DPH6: variants seen among roughly 807,000 people sequenced by gnomAD.
DPH6 encodes diphthine--ammonia ligase.
Under a neutral mutation model 38.2 loss-of-function variants are expected in DPH6, and 33 were observed. The ratio of observed to expected loss-of-function variants is 0.86; its 90% CI spans 0.65 to 1.15. DPH6 has a LOEUF of 1.15. Ranked by LOEUF, DPH6 falls within the 50% of genes most tolerant of loss-of-function variation. The pLI is 0.00. For synonymous variants in DPH6, 108 were observed against 103.0 expected, an observed-to-expected ratio of 1.05 and a Z score of -0.30; for missense variants, 325 against 320.0, an observed-to-expected ratio of 1.02 and a Z score of -0.12.
intron 3 of DPH6, chr15:35,520,275 T>C (rs1247459006): frequency 1.1e-6 from 1 of 881,832 alleles, no homozygotes; most frequent in African/African-American, 1.8e-5. Context: ...AATCCTCGCC[T>C]ATTTTAAGCA....
At position 35,450,700 on chromosome 15, in the gene DPH6, T is replaced by C; in HGVS notation, c.490A>G (p.Lys164Glu). Reference protein sequence around the residue: ...ISSNIQAMIIKVAALGLDPDK... With the variant: ...ISSNIQAMIIEVAALGLDPDK... Reference sequence around the variant, plus strand: ...GGCTGCATACCCAAAGCTGCTACTTTGATGATCATTGCTTGAATGTTAGAT... The same window carrying C: ...GGCTGCATACCCAAAGCTGCTACTTCGATGATCATTGCTTGAATGTTAGAT... The change falls in exon 5 of 9, where the codon AAA (lysine) becomes GAA (glutamate). Residue 164 changes from lysine to glutamate, a missense_variant. Coordinates refer to ENST00000256538, the MANE Select transcript of DPH6 (RefSeq NM_080650.4). The C allele has an allele frequency of 6.2e-7, 1 of 1,613,042 alleles. No homozygotes were observed. The highest frequency in any genetic ancestry group is 8.5e-7 in the Non-Finnish European group (1 of 1,179,552).
At chr15:35,197,528 C>T in the DPH6 span, among the ~76,000 whole-genome samples, 1 of 152,124 alleles carries the variant, frequency 6.6e-6, no homozygotes, top group African/African-American at 2.4e-5. Flanking sequence ...AAGACAGTAA[C>T]ACACTTCTTT....
intron 3 of DPH6, among the ~76,000 whole-genome samples, chr15:35,280,242 C>T (rs1167838830): frequency 2.0e-5 from 3 of 152,214 alleles, no homozygotes; most frequent in Non-Finnish European, 4.4e-5. Context: ...GAGGGCTAGA[C>T]AGTTTCTACT....
intron 3 of DPH6, among the ~76,000 whole-genome samples, chr15:35,523,266 T>C (rs2054949742): frequency 6.6e-6 from 1 of 150,864 alleles, no homozygotes; most frequent in Admixed American, 6.6e-5. Flanking sequence ...TTTTGGTCAT[T>C]TGAATGTACT....
At chr15:35,320,822 T>C (rs983063606) in intron 3 of DPH6, among the ~76,000 whole-genome samples, 11 of 152,172 alleles carry the variant, frequency 7.2e-5, no homozygotes, top group Middle Eastern at 3.2e-3. Flanking sequence ...TTATATTTCT[T>C]CTGTCATTTC....
chr15:35,167,637 G>A, the DPH6 span, among the ~76,000 whole-genome samples: 3 of 149,728 alleles, frequency 2.0e-5, no homozygotes, highest in Non-Finnish European at 3.0e-5. Flanking sequence ...CAGACATCTC[G>A]CAATGCCTAA....
intron 3 of DPH6, among the ~76,000 whole-genome samples, chr15:35,510,895 A>G (rs16961134): frequency 0.031 from 4,659 of 152,268 alleles, 239 homozygotes; most frequent in African/African-American, 0.11. Flanking sequence ...TTAGGTTTTA[A>G]AAGAAAATAT....
the DPH6 span, among the ~76,000 whole-genome samples, chr15:35,174,214 A>G: frequency 1.0e-4 from 15 of 150,698 alleles, no homozygotes; most frequent in African/African-American, 3.4e-4. Flanking sequence ...ATGCCAACAT[A>G]TTATCTTTCT....
chr15:35,231,866 C>A (rs1290523988), intron 3 of DPH6, among the ~76,000 whole-genome samples: 1 of 152,110 alleles, frequency 6.6e-6, no homozygotes, highest in Non-Finnish European at 1.5e-5. Context: ...ACAATTCAAT[C>A]TCATGATCTC....
chr15:35,237,824 C>T, intron 3 of DPH6: 1 of 1,565,240 alleles, frequency 6.4e-7, no homozygotes, highest in East Asian at 2.2e-5. Context: ...CGTGGAGGGC[C>T]TGGAGGAGGA....
In DPH6 at chr15:35,372,222, G is replaced by T; in HGVS notation, c.751-19C>A. On this transcript the variant is annotated intron_variant, in intron 8 of 8. Transcript: ENST00000256538. The stretch of plus-strand genomic sequence containing the variant: ...AGGACACCTAAAAAAAAAAGGGAAG[G>T]AAAGGGAAGGAAAATGCACCATATT... The T allele has an allele frequency of 6.7e-7, 1 of 1,481,856 alleles. No homozygotes were observed. Among genetic ancestry groups the T allele is most frequent in the Non-Finnish European group, 8.9e-7 (1 of 1,117,610 alleles). 91.8% of individuals were successfully genotyped at this position (1,481,856 alleles called of 1,614,324 possible).
intron 7 of DPH6, among the ~76,000 whole-genome samples, chr15:35,379,187 A>C (rs113904114): frequency 5.9e-5 from 9 of 152,288 alleles, no homozygotes; most frequent in African/African-American, 2.2e-4. Flanking sequence ...AAGGATCCTC[A>C]TGATTACATT....
chr15:35,467,015 T>C (rs1180105365), intron 3 of DPH6, among the ~76,000 whole-genome samples: 1 of 152,172 alleles, frequency 6.6e-6, no homozygotes, highest in African/African-American at 2.4e-5. Context: ...ATGTAGATTA[T>C]AAACATGGTA....
downstream of DPH6, among the ~76,000 whole-genome samples, chr15:35,329,256 GATT>G (rs1393960908): frequency 6.6e-6 from 1 of 152,124 alleles, no homozygotes; most frequent in Admixed American, 6.5e-5. Context: ...TGATTTCTAA[GATT>G]ATTATACACA....
intron 3 of DPH6, among the ~76,000 whole-genome samples, chr15:35,475,784 C>G (rs1005115558): frequency 1.3e-5 from 2 of 151,022 alleles, no homozygotes; most frequent in Non-Finnish European, 3.0e-5. Flanking sequence ...AGCAGTCAAG[C>G]AAAGAGGTAA....
chr15:35,151,252 C>T, the DPH6 span, among the ~76,000 whole-genome samples: 1 of 151,750 alleles, frequency 6.6e-6, no homozygotes, highest in East Asian at 1.9e-4. Flanking sequence ...CTGTGGTCTA[C>T]AGTATTGTTT....
chr15:35,509,831 T>G (rs932450014), intron 3 of DPH6, among the ~76,000 whole-genome samples: 2 of 152,216 alleles, frequency 1.3e-5, no homozygotes, highest in Non-Finnish European at 2.9e-5. Flanking sequence ...TGTGACTTCT[T>G]TTGCTACCTC....
intron 3 of DPH6, among the ~76,000 whole-genome samples, chr15:35,464,553 TA>T (rs1277293790): frequency 3.9e-5 from 6 of 152,166 alleles, no homozygotes; most frequent in Non-Finnish European, 8.8e-5. Flanking sequence ...ATCTGACAAA[TA>T]TTTTTTTCAA....
At chr15:35,274,274 GT>G (rs2051842744) in intron 3 of DPH6, among the ~76,000 whole-genome samples, 1 of 152,084 alleles carries the variant, frequency 6.6e-6, no homozygotes, top group Admixed American at 6.6e-5. Context: ...AAAGACTTAA[GT>G]GTAAAACCCA....
Sources: gnomAD v4.1 joint callset for allele counts (sites outside exome capture counted in the v4.1 genomes callset) on GRCh38, gnomAD v4.1.1 for gene constraint, MANE v1.5 for transcripts, NCBI Gene and HGNC (gene_info 2026-07-23, HGNC 2026-07-21) for gene names.